Variants in KCNB2 observed in about 807,000 individuals in gnomAD.
KCNB2 encodes the protein delayed rectifier potassium channel protein.
Under a neutral mutation model 61.5 loss-of-function variants are expected in KCNB2, and 15 were observed. The ratio of observed to expected loss-of-function variants is 0.24; its 90% CI spans 0.16 to 0.38. KCNB2 has a LOEUF of 0.38. Ranked by LOEUF, KCNB2 falls within the 10% of genes least tolerant of loss-of-function variation. The pLI is 1.00. For synonymous variants in KCNB2, 457 were observed against 446.0 expected (o/e 1.02, Z -0.31); for missense variants, 828 against 1,125.2 (o/e 0.74, Z 3.78).
chr8:72,845,637 C>G (rs1289897804), intron 2 of KCNB2, among the ~76,000 whole-genome samples: 3 of 152,200 alleles, frequency 2.0e-5, no homozygotes, highest in Non-Finnish European at 4.4e-5. Flanking sequence ...ATGCCTGGCC[C>G]AGAGAGGAGG....
intron 1 of KCNB2, among the ~76,000 whole-genome samples, chr8:72,546,740 T>A (rs887242254): frequency 6.6e-6 from 1 of 152,040 alleles, no homozygotes; most frequent in Non-Finnish European, 1.5e-5. Context: ...CATGGGATCC[T>A]CCCCCTTCAG....
chr8:72,566,161 T>A (rs1328069765), intron 1 of KCNB2, among the ~76,000 whole-genome samples: 2 of 152,078 alleles, frequency 1.3e-5, no homozygotes, highest in East Asian at 3.9e-4. Flanking sequence ...TGGAATATAA[T>A]GATGAGGGAA....
intron 2 of KCNB2, among the ~76,000 whole-genome samples, chr8:72,595,511 A>G (rs1454517844): frequency 6.6e-6 from 1 of 151,762 alleles, no homozygotes; most frequent in Non-Finnish European, 1.5e-5. Flanking sequence ...TTTTTAGTAG[A>G]GACGGAGTTT....
At chr8:72,700,741 T>G (rs1213449265) in intron 2 of KCNB2, among the ~76,000 whole-genome samples, 2 of 152,068 alleles carry the variant, frequency 1.3e-5, no homozygotes, top group African/African-American at 2.4e-5. Context: ...TGGGTATATA[T>G]CTAAAAGAAA....
chr8:72,749,737 ATTAC>A (rs1808154198), intron 2 of KCNB2, among the ~76,000 whole-genome samples: 1 of 146,926 alleles, frequency 6.8e-6, no homozygotes, highest in Admixed American at 6.9e-5. Context: ...TATAATACAT[ATTAC>A]TTTTTTGTAT....
chr8:72,658,043 C>T (rs1806319373), intron 2 of KCNB2, among the ~76,000 whole-genome samples: 1 of 152,066 alleles, frequency 6.6e-6, no homozygotes, highest in Non-Finnish European at 1.5e-5. Context: ...CTACAATGGC[C>T]TCTAAGTGTT....
intron 2 of KCNB2, among the ~76,000 whole-genome samples, chr8:72,664,595 T>C (rs1806436027): frequency 6.6e-6 from 1 of 152,198 alleles, no homozygotes; most frequent in Non-Finnish European, 1.5e-5. Context: ...CCTTTCTGAT[T>C]TGAAAGATAG....
rs1808331716 is a variant in KCNB2 at position 72,758,686 on chromosome 8, G to A, written c.580-177249G>A. 1.3e-5 allele frequency among the ~76,000 whole-genome samples: 2 copies of A among 152,080 alleles called. 1 individual carries two copies. The highest frequency in any genetic ancestry group is 4.2e-4 in the South Asian group (2 of 4,806). On this transcript the variant is annotated intron_variant, in intron 2 of 2. Transcript: ENST00000523207. ...CTACTCTCTCTTCTCATTGTTGAACGGTTATCAGGCAGATAGCGAGGTAGC... is the reference window on the plus strand; with the variant it reads ...CTACTCTCTCTTCTCATTGTTGAACAGTTATCAGGCAGATAGCGAGGTAGC...
At chr8:72,662,087 T>C (rs2128987388) in intron 2 of KCNB2, among the ~76,000 whole-genome samples, 1 of 152,310 alleles carries the variant, frequency 6.6e-6, no homozygotes, top group South Asian at 2.1e-4. Flanking sequence ...TCCTGCTTGC[T>C]TAAAGTAAAC....
intron 2 of KCNB2, among the ~76,000 whole-genome samples, chr8:72,578,956 C>T (rs1806847124): frequency 6.6e-6 from 1 of 152,148 alleles, no homozygotes; most frequent in African/African-American, 2.4e-5. Context: ...TGGGTGGCCT[C>T]ATGGTGTACT....
At chr8:72,551,846 C>CA (rs1806348464) in intron 1 of KCNB2, among the ~76,000 whole-genome samples, 1 of 152,158 alleles carries the variant, frequency 6.6e-6, no homozygotes, top group Non-Finnish European at 1.5e-5. Context: ...CAGCACCTCT[C>CA]ACAACTCCAT....
Position 72,851,826 on chromosome 8 carries a change from G to GAAAAAAAAAAAAAAAAAAAAAAAA in KCNB2, c.580-84087_580-84086insAAAAAAAAAAAAAAAAAAAAAAAA, listed in dbSNP as rs55696554. On this transcript the variant is annotated intron_variant, in intron 2 of 2. Coordinates refer to ENST00000523207, the MANE Select transcript of KCNB2 (RefSeq NM_004770.3). ...TTTTTTTTTAATGTAGAAGCTGTAG[G>GAAAAAAAAAAAAAAAAAAAAAAAA]AAAAAAAAAAAAAAAAAAAAAACAC... Among the ~76,000 whole-genome samples, 3 of 43,864 alleles carry GAAAAAAAAAAAAAAAAAAAAAAAA rather than the reference G, an allele frequency of 6.8e-5. 1 individual carries two copies. Among genetic ancestry groups the GAAAAAAAAAAAAAAAAAAAAAAAA allele is most frequent in the Non-Finnish European group, 1.2e-4 (3 of 25,626 alleles). 28.8% of individuals were successfully genotyped at this position (43,864 alleles called of 152,430 possible). A position where few individuals can be genotyped will look rare whatever the true frequency, so the allele number is the denominator to read the frequency against.
intron 2 of KCNB2, among the ~76,000 whole-genome samples, chr8:72,864,066 GA>G (rs1052705216): frequency 1.7e-4 from 26 of 152,252 alleles, no homozygotes; most frequent in African/African-American, 6.0e-4. Flanking sequence ...ACAGAGGAGG[GA>G]AAAACCACTG....
At position 72,936,117 on chromosome 8, in the gene KCNB2, C is replaced by G. The variant is rs528815361; in HGVS notation, c.762C>G (p.Ser254=). The change falls in exon 3 of 3, where the codon TCC becomes TCG. Residue 254 remains serine, a synonymous_variant. Coordinates refer to ENST00000523207, the MANE Select transcript of KCNB2 (RefSeq NM_004770.3). This position sits in a 1 kb window ranked among gnomAD's most constrained non-coding sequence, Gnocchi z 5.6. ...FTMEYLLRFL[S]SPNKWKFFKG... The stretch of plus-strand genomic sequence containing the variant: ...TGGAGTACCTTTTGCGATTCTTATC[C>G]TCACCAAATAAATGGAAGTTCTTCA... 2.4e-4 allele frequency: 387 copies of G among 1,614,178 alleles called. 3 individuals are homozygous for G. The South Asian group carries it at 3.8e-3, about 16-fold the overall frequency.
chr8:72,761,216 C>T (rs1398078414), intron 2 of KCNB2, among the ~76,000 whole-genome samples: 3 of 152,162 alleles, frequency 2.0e-5, no homozygotes, highest in Admixed American at 6.5e-5. Flanking sequence ...CCACTCTCTA[C>T]CCTGCATCCA....
chr8:72,788,721 T>C (rs1056913758), intron 2 of KCNB2, among the ~76,000 whole-genome samples: 2 of 152,136 alleles, frequency 1.3e-5, no homozygotes, highest in African/African-American at 2.4e-5. Context: ...CTGAACTCCA[T>C]ACTTAAATCT....
At chr8:72,600,155 G>A (rs1807270728) in intron 2 of KCNB2, among the ~76,000 whole-genome samples, 1 of 152,110 alleles carries the variant, frequency 6.6e-6, no homozygotes, top group Non-Finnish European at 1.5e-5. Context: ...TATGTTTATT[G>A]CGGCATTATT....
intron 2 of KCNB2, among the ~76,000 whole-genome samples, chr8:72,596,768 G>A (rs1807198091): frequency 6.6e-6 from 1 of 151,966 alleles, no homozygotes; most frequent in African/African-American, 2.4e-5. Flanking sequence ...TTCTGTGATG[G>A]GCTAAAAAAT....
chr8:72,754,741 T>C (rs1014193930), intron 2 of KCNB2, among the ~76,000 whole-genome samples: 3 of 152,190 alleles, frequency 2.0e-5, no homozygotes, highest in Admixed American at 6.6e-5. Flanking sequence ...GAAGGACTTG[T>C]GTGCTGAGCA....
Sources: gnomAD v4.1 joint callset for allele counts (sites outside exome capture counted in the v4.1 genomes callset) on GRCh38, gnomAD v4.1.1 for gene constraint, Gnocchi (gnomAD v3.1) non-coding constraint, MANE v1.5 for transcripts, NCBI Gene and HGNC (gene_info 2026-07-23, HGNC 2026-07-21) for gene names.